The following POU2F1 variants were observed in gnomAD, a reference collection of about 807,000 sequenced individuals.
The protein encoded by POU2F1 is POU domain, class 2, transcription factor 1.
A neutral mutation model predicts 84.9 loss-of-function variants in POU2F1; 16 were observed. The observed-to-expected ratio is 0.19, with a 90% CI of 0.13 to 0.29. The LOEUF (loss-of-function observed/expected upper bound fraction) is 0.29. Ranked by LOEUF, POU2F1 falls within the 10% of genes least tolerant of loss-of-function variation. The pLI, the probability that POU2F1 is intolerant of heterozygous loss-of-function variation, is 1.00. For synonymous variants in POU2F1, 368 were observed against 368.3 expected, an observed-to-expected ratio of 1.00 and a Z score of 0.01; for missense variants, 738 against 942.6, an observed-to-expected ratio of 0.78 and a Z score of 2.84.
intron 1 of POU2F1, among the ~76,000 whole-genome samples, chr1:167,236,976 A>G (rs901503539): frequency 6.6e-6 from 1 of 152,220 alleles, no homozygotes; most frequent in South Asian, 2.1e-4. Context: ...GGGCTTGGAA[A>G]TGATAAGACT....
chr1:167,316,568 A>G (rs1655918378), intron 1 of POU2F1, among the ~76,000 whole-genome samples: 1 of 152,190 alleles, frequency 6.6e-6, no homozygotes, highest in African/African-American at 2.4e-5. Flanking sequence ...TATTATTAAG[A>G]AATGTTAGTA....
chr1:167,404,396 G>C (rs1055309442), intron 13 of POU2F1, among the ~76,000 whole-genome samples: 1 of 152,070 alleles, frequency 6.6e-6, no homozygotes, highest in Non-Finnish European at 1.5e-5. Context: ...AAGGGCTCGC[G>C]GTGAGCTGTG....
chr1:167,390,237 G>A (rs1648299176), intron 9 of POU2F1, among the ~76,000 whole-genome samples: 1 of 152,134 alleles, frequency 6.6e-6, no homozygotes, highest in South Asian at 2.1e-4. Flanking sequence ...CTTTTTGTTA[G>A]CCTTTTCCTG....
chr1:167,388,461 G>A (rs1252572783), intron 8 of POU2F1, among the ~76,000 whole-genome samples: 3 of 151,962 alleles, frequency 2.0e-5, no homozygotes, highest in Non-Finnish European at 2.9e-5. Flanking sequence ...ACACATAGGT[G>A]GAAAAAATAA....
chr1:167,245,655 C>T (rs567164627), intron 1 of POU2F1, among the ~76,000 whole-genome samples: 6 of 152,142 alleles, frequency 3.9e-5, no homozygotes, highest in East Asian at 3.9e-4. Context: ...TCAGGTGATC[C>T]GCCCACCTCA....
chr1:167,232,114 G>GT (rs1417078710), intron 1 of POU2F1, among the ~76,000 whole-genome samples: 1 of 152,210 alleles, frequency 6.6e-6, no homozygotes, highest in Non-Finnish European at 1.5e-5. Flanking sequence ...CAGAGCCCCT[G>GT]TGACTATGAG....
At chr1:167,240,967 A>AC (rs1317205539) in intron 1 of POU2F1, among the ~76,000 whole-genome samples, 3 of 151,858 alleles carry the variant, frequency 2.0e-5, no homozygotes, top group South Asian at 2.1e-4. Context: ...ACATGGAGAG[A>AC]CCCCGTCTCT....
At chr1:167,221,014 GCC>G in intron 1 of POU2F1, 56 bp downstream of exon 1, 2 of 1,319,130 alleles carry the variant, frequency 1.5e-6, no homozygotes, top group Non-Finnish European at 2.1e-6. Flanking sequence ...GGCTCCCGCT[GCC>G]CCCCCCCGCG....
At chr1:167,300,488 C>T (rs188787261) in intron 1 of POU2F1, among the ~76,000 whole-genome samples, 4 of 152,158 alleles carry the variant, frequency 2.6e-5, no homozygotes, top group South Asian at 2.1e-4. Context: ...TTTTTTGAGA[C>T]GGAGTCTTGC....
chr1:167,252,737 G>A (rs960507268), intron 1 of POU2F1, among the ~76,000 whole-genome samples: 1 of 152,150 alleles, frequency 6.6e-6, no homozygotes, highest in African/African-American at 2.4e-5. Flanking sequence ...AAGTAATTCT[G>A]GTCATTAGAA....
chr1:167,389,612 G>C lies in POU2F1; in HGVS notation c.838G>C (p.Ala280Pro), dbSNP rs1203301918. ...GCCAGCAACCCCAACACGCACAATA[G>C]CAGCAACCCCAATTCAGACACTTCC... ...SQPATPTRTI[A>P]ATPIQTLPQS... The change falls in exon 9 of 16, where the codon GCA becomes CCA. Residue 280 changes from alanine to proline, a missense_variant. By Grantham distance (27) the Ala-to-Pro change is conservative. Around this residue, in one of 4 missense-constraint regions of POU2F1, gnomAD observed 163 missense variants for 214.4 expected, o/e 0.76. Coordinates refer to ENST00000367866, the MANE Select transcript of POU2F1 (RefSeq NM_002697.4). The C allele has an allele frequency of 6.2e-7, 1 of 1,614,054 alleles. No individual in the cohort carries two copies. The highest frequency in any genetic ancestry group is 1.7e-5 in the Admixed American group (1 of 60,016).
At chr1:167,353,674 G>A (rs1264689758) in intron 2 of POU2F1, among the ~76,000 whole-genome samples, 3 of 152,026 alleles carry the variant, frequency 2.0e-5, no homozygotes, top group African/African-American at 7.2e-5. Context: ...TTTATTCCTT[G>A]CAATCTGGAT....
At chr1:167,230,687 G>A (rs981113109) in intron 1 of POU2F1, among the ~76,000 whole-genome samples, 1 of 152,152 alleles carries the variant, frequency 6.6e-6, no homozygotes, top group Non-Finnish European at 1.5e-5. Context: ...CACTTAATTT[G>A]TGTTCAGTTA....
intron 2 of POU2F1, among the ~76,000 whole-genome samples, chr1:167,334,993 AATG>A (rs1339244392): frequency 2.0e-5 from 3 of 152,064 alleles, no homozygotes; most frequent in Non-Finnish European, 4.4e-5. Flanking sequence ...CTTTAAGGAG[AATG>A]ATATTGTAAA....
intron 2 of POU2F1, among the ~76,000 whole-genome samples, chr1:167,334,191 G>A (rs977189326): frequency 3.9e-4 from 16 of 40,910 alleles, no homozygotes; most frequent in Non-Finnish European, 1.4e-4. Context: ...ATGGAATTTT[G>A]CTCTTGTTTC....
intron 1 of POU2F1, among the ~76,000 whole-genome samples, chr1:167,242,979 C>A (rs1297968403): frequency 6.6e-6 from 1 of 151,660 alleles, no homozygotes; most frequent in African/African-American, 2.4e-5. Context: ...TTTCTTATTT[C>A]CTTTGTTTCC....
intron 1 of POU2F1, among the ~76,000 whole-genome samples, chr1:167,302,306 G>A (rs1335475419): frequency 6.6e-6 from 1 of 151,358 alleles, no homozygotes; most frequent in East Asian, 1.9e-4. Flanking sequence ...GTGTCACCAG[G>A]TTGGAGTGCA....
At chr1:167,271,659 G>A (rs1652375869) in intron 1 of POU2F1, among the ~76,000 whole-genome samples, 3 of 152,174 alleles carry the variant, frequency 2.0e-5, no homozygotes, top group Non-Finnish European at 4.4e-5. Flanking sequence ...GGAATCTGAT[G>A]AAATGAGGAC....
At chr1:167,360,397 A>G (rs1659279083) in intron 2 of POU2F1, among the ~76,000 whole-genome samples, 1 of 152,182 alleles carries the variant, frequency 6.6e-6, no homozygotes, top group African/African-American at 2.4e-5. Flanking sequence ...GTAGCGGTCC[A>G]GTTTCATTCT....
Sources: allele counts gnomAD v4.1 joint callset (sites outside exome capture counted in the v4.1 genomes callset), GRCh38; gene constraint gnomAD v4.1.1; regional missense constraint gnomAD v4.1.1; transcripts MANE v1.5; gene names NCBI Gene and HGNC (gene_info 2026-07-23, HGNC 2026-07-21).